Variants in CDYL2 observed in about 807,000 individuals in gnomAD.
CDYL2 encodes the protein chromodomain Y like 2.
Under a neutral mutation model 49.4 loss-of-function variants are expected in CDYL2, and 23 were observed. The observed-to-expected ratio is 0.47, with a 90% CI of 0.34 to 0.66. The LOEUF is 0.66. Ranked by LOEUF, CDYL2 falls within the 30% of genes least tolerant of loss-of-function variation. The pLI is 0.01. For synonymous variants in CDYL2, 360 were observed against 268.8 expected (o/e 1.34, Z -3.32); for missense variants, 678 against 656.4 (o/e 1.03, Z -0.36).
intron 2 of CDYL2, among the ~76,000 whole-genome samples, chr16:80,644,105 G>A (rs920608678): frequency 3.9e-5 from 6 of 152,178 alleles, no homozygotes. Context: ...TTGCTGCTTA[G>A]AAATTTCTTT....
At chr16:80,694,439 G>C (rs1371255791) in intron 1 of CDYL2, among the ~76,000 whole-genome samples, 1 of 152,034 alleles carries the variant, frequency 6.6e-6, no homozygotes, top group African/African-American at 2.4e-5. Context: ...CTAGGTTTGA[G>C]CAAATATGTA....
intron 3 of CDYL2, among the ~76,000 whole-genome samples, chr16:80,625,109 G>T (rs1907245082): frequency 1.3e-5 from 2 of 152,302 alleles, no homozygotes; most frequent in South Asian, 2.1e-4. Flanking sequence ...AAATTTGGCA[G>T]CATAAAATAA....
chr16:80,678,699 T>G (rs1445754007), intron 2 of CDYL2, among the ~76,000 whole-genome samples: 1 of 149,842 alleles, frequency 6.7e-6, no homozygotes, highest in Non-Finnish European at 1.5e-5. Flanking sequence ...TGGAAGTCAG[T>G]GTGGCGATTC....
chr16:80,605,898 C>G (rs1466354424), intron 6 of CDYL2, among the ~76,000 whole-genome samples: 1 of 152,210 alleles, frequency 6.6e-6, no homozygotes, highest in African/African-American at 2.4e-5. Context: ...ACCCAAAGCT[C>G]CATGATGTAA....
chr16:80,681,686 A>C (rs112331528), intron 2 of CDYL2, among the ~76,000 whole-genome samples: 35 of 152,346 alleles, frequency 2.3e-4, no homozygotes, highest in African/African-American at 8.2e-4. Flanking sequence ...GAGTGACCAC[A>C]GAAGACGTCA....
intron 1 of CDYL2, among the ~76,000 whole-genome samples, chr16:80,745,286 G>C (rs576018297): frequency 7.9e-5 from 12 of 152,220 alleles, no homozygotes; most frequent in African/African-American, 2.6e-4. Flanking sequence ...AACCTCTTCT[G>C]TGTCACCTGA....
At chr16:80,766,956 T>A (rs1480168954) in intron 1 of CDYL2, among the ~76,000 whole-genome samples, 2 of 152,180 alleles carry the variant, frequency 1.3e-5, no homozygotes, top group African/African-American at 4.8e-5. Flanking sequence ...ACAGGTACTA[T>A]TATTGCCCCC....
intron 1 of CDYL2, among the ~76,000 whole-genome samples, chr16:80,800,111 C>A (rs1907881677): frequency 6.6e-6 from 1 of 152,126 alleles, no homozygotes; most frequent in Non-Finnish European, 1.5e-5. Flanking sequence ...TGTGTGAAGA[C>A]CTCAGAACAA....
At chr16:80,667,908 T>C (rs1909335003) in intron 2 of CDYL2, among the ~76,000 whole-genome samples, 1 of 152,222 alleles carries the variant, frequency 6.6e-6, no homozygotes, top group South Asian at 2.1e-4. Flanking sequence ...CCAGGCAACA[T>C]GGCTGAATGC....
intron 1 of CDYL2, among the ~76,000 whole-genome samples, chr16:80,733,554 G>T (rs1406560527): frequency 2.0e-5 from 3 of 152,114 alleles, no homozygotes; most frequent in Non-Finnish European, 4.4e-5. Flanking sequence ...CCCTTGCCCT[G>T]GGGACATCAT....
At chr16:80,661,600 T>C (rs1245473982) in intron 2 of CDYL2, among the ~76,000 whole-genome samples, 7 of 152,204 alleles carry the variant, frequency 4.6e-5, no homozygotes, top group Admixed American at 4.6e-4. Flanking sequence ...AGCTTGATGC[T>C]GGATTCGAGC....
At chr16:80,720,065 G>C (rs970960286) in intron 1 of CDYL2, among the ~76,000 whole-genome samples, 1 of 152,184 alleles carries the variant, frequency 6.6e-6, no homozygotes, top group African/African-American at 2.4e-5. Context: ...TTTAGTGGTC[G>C]AGCAAATAAT....
intron 1 of CDYL2, among the ~76,000 whole-genome samples, chr16:80,752,526 C>T (rs182794780): frequency 6.6e-6 from 1 of 152,194 alleles, no homozygotes; most frequent in East Asian, 1.9e-4. Flanking sequence ...AAAAAAGTCA[C>T]ATTATCTTTA....
chr16:80,642,661 G>A (rs1908152328), intron 2 of CDYL2, among the ~76,000 whole-genome samples: 1 of 152,136 alleles, frequency 6.6e-6, no homozygotes, highest in Admixed American at 6.5e-5. Context: ...GAATCATGGA[G>A]GGAGGTGAAA....
intron 1 of CDYL2, among the ~76,000 whole-genome samples, chr16:80,703,742 C>G (rs1414212703): frequency 6.6e-6 from 1 of 152,144 alleles, no homozygotes; most frequent in Non-Finnish European, 1.5e-5. Flanking sequence ...TACAGGCTCC[C>G]CTAAGTCCTG....
At chr16:80,706,611 C>T (rs780117618) in intron 1 of CDYL2, among the ~76,000 whole-genome samples, 3 of 152,176 alleles carry the variant, frequency 2.0e-5, no homozygotes, top group Non-Finnish European at 4.4e-5. Context: ...GGGGCAGCCC[C>T]AGGGGAAATC....
At chr16:80,744,838 G>A (rs1905870460) in intron 1 of CDYL2, among the ~76,000 whole-genome samples, 1 of 152,136 alleles carries the variant, frequency 6.6e-6, no homozygotes, top group African/African-American at 2.4e-5. Flanking sequence ...CCAGGAGAAG[G>A]AAGTGGACAG....
intron 2 of CDYL2, among the ~76,000 whole-genome samples, chr16:80,645,655 A>G (rs1230104334): frequency 6.6e-6 from 1 of 152,188 alleles, no homozygotes; most frequent in Non-Finnish European, 1.5e-5. Context: ...AAAGGATTAT[A>G]AATCATGCTG....
intron 3 of CDYL2, among the ~76,000 whole-genome samples, chr16:80,621,246 CA>C (rs2142376485): frequency 6.6e-6 from 1 of 152,354 alleles, no homozygotes; most frequent in Non-Finnish European, 1.5e-5. Flanking sequence ...TAAATCTCTG[CA>C]AATCTTGTTC....
Sources: allele counts gnomAD v4.1 joint callset (sites outside exome capture counted in the v4.1 genomes callset), GRCh38; gene constraint gnomAD v4.1.1; transcripts MANE v1.5; gene names NCBI Gene and HGNC (gene_info 2026-07-23, HGNC 2026-07-21).